Variants in CPSF6 observed in about 807,000 individuals in gnomAD.
CPSF6 encodes cleavage and polyadenylation specific factor 6, also known as cleavage and polyadenylation specificity factor subunit 6.
Under a neutral mutation model 56.7 loss-of-function variants are expected in CPSF6, and 10 were observed. The ratio of observed to expected loss-of-function variants is 0.18; its 90% CI spans 0.11 to 0.30. The LOEUF (loss-of-function observed/expected upper bound fraction) is 0.30. CPSF6 is among the 10% of genes least tolerant of loss of function. CPSF6 has a pLI of 1.00. For synonymous variants in CPSF6, 248 were observed against 244.8 expected, an observed-to-expected ratio of 1.01 and a Z score of -0.12; for missense variants, 419 against 722.9, an observed-to-expected ratio of 0.58 and a Z score of 4.82.
chr12:69,251,311 T>C lies in CPSF6; in HGVS notation c.243T>C (p.Ile81=). The change falls in exon 2 of 10, where the codon ATT becomes ATC. Residue 81 remains isoleucine, a synonymous_variant. Transcript: ENST00000435070. ...NVVYTYTGKR[I]ALYIGNLTWW... ...TCTATACATATACTGGAAAGAGAATTGCATTATATATTGGAAATCTAACAT... is the reference window on the plus strand; with the variant it reads ...TCTATACATATACTGGAAAGAGAATCGCATTATATATTGGAAATCTAACAT... The C allele has an allele frequency of 1.9e-6, 3 of 1,573,594 alleles. No homozygotes were observed. The highest frequency in any genetic ancestry group is 2.6e-6 in the Non-Finnish European group (3 of 1,145,190).
rs1873324484 is a variant in CPSF6, at chr12:69,273,034, T to G, written c.*3526T>G. 8 of 247,154 alleles carry G rather than the reference T, an allele frequency of 3.2e-5. No individual in the cohort carries two copies. The highest frequency in any genetic ancestry group is 2.5e-4 in the Admixed American group (5 of 20,128). 15.3% of individuals were successfully genotyped at this position (247,154 alleles called of 1,614,324 possible). A position where few individuals can be genotyped will look rare whatever the true frequency, so the allele number is the denominator to read the frequency against. On this transcript the variant is annotated 3_prime_UTR_variant, in exon 10 of 10. Transcript: ENST00000435070. ...ATTATAAATTTATTAAGATGTGGCCTTACATATGGCATTCCTTGTGTTCGT... is the reference window on the plus strand; with the variant it reads ...ATTATAAATTTATTAAGATGTGGCCGTACATATGGCATTCCTTGTGTTCGT...
Position 69,251,348 on chromosome 12 carries a change from G to C in CPSF6, c.270+10G>C, listed in dbSNP as rs769018336. 2.1e-6 allele frequency: 3 copies of C among 1,451,856 alleles called. No individual in the cohort carries two copies. The highest frequency in any genetic ancestry group is 1.9e-6 in the Non-Finnish European group (2 of 1,039,512). 89.9% of individuals were successfully genotyped at this position (1,451,856 alleles called of 1,614,324 possible). A position where few individuals can be genotyped will look rare whatever the true frequency, so the allele number is the denominator to read the frequency against. ...TGGAAATCTAACATGGGTAAGTGAA[G>C]TTAATATAAGAATTAAATTATTGGT... is the stretch of plus-strand genomic sequence containing the variant. On this transcript the variant is annotated intron_variant, in intron 2 of 9. Coordinates refer to ENST00000435070, the MANE Select transcript of CPSF6 (RefSeq NM_007007.3).
chr12:69,255,181 A>T (rs1054232831), intron 3 of CPSF6: 1 of 152,198 alleles, frequency 6.6e-6, no homozygotes, highest in Admixed American at 6.5e-5. Flanking sequence ...TAGCATAATG[A>T]TTTTAAGGTT....
chr12:69,257,954 C>T (rs1261280337), intron 5 of CPSF6, 49 bp downstream of exon 5: 2 of 1,587,166 alleles, frequency 1.3e-6, no homozygotes, highest in Non-Finnish European at 1.7e-6. Context: ...TACCTAATAC[C>T]TCTTTTCCTT....
At position 69,274,235 on chromosome 12, in the gene CPSF6, CCTTT is replaced by C. The variant is rs1873399257; in HGVS notation, c.*4732_*4735del. On this transcript the variant is annotated 3_prime_UTR_variant, in exon 10 of 10. Transcript: ENST00000435070. ...TGTGTTTAATGTTTACTTTGTCTTTCCTTTCTTTAGCATTTAGGTGACTGTTCGG... is the reference window on the plus strand; with the variant it reads ...TGTGTTTAATGTTTACTTTGTCTTTCCTTTAGCATTTAGGTGACTGTTCGG... 6.8e-6 allele frequency: 1 copy of C among 146,484 alleles called. No individual in the cohort carries two copies. Among genetic ancestry groups the C allele is most frequent in the African/African-American group, 2.5e-5 (1 of 39,584 alleles). The allele number at this position is 146,484 out of a possible 1,614,324, so 9.1% of individuals were successfully genotyped here. A position where few individuals can be genotyped will look rare whatever the true frequency, so the allele number is the denominator to read the frequency against.
chr12:69,266,964 T>C (rs1378552174), intron 9 of CPSF6, among the ~76,000 whole-genome samples: 1 of 152,090 alleles, frequency 6.6e-6, no homozygotes, highest in African/African-American at 2.4e-5. Flanking sequence ...TTATGTAATA[T>C]GTTCTAGTCA....
chr12:69,256,453 G>A (rs1872512640), intron 3 of CPSF6, among the ~76,000 whole-genome samples: 1 of 152,120 alleles, frequency 6.6e-6, no homozygotes, highest in African/African-American at 2.4e-5. Flanking sequence ...TTTAGAGACA[G>A]GATCTCACTG....
At position 69,253,362 on chromosome 12, in the gene CPSF6, G is replaced by C. The variant is rs75435079; in HGVS notation, c.374+208G>C. ...TACCTAACACACTAAAACCAGTAGAGTGGAAATGTGGACAGATTTATTTTC... is the reference window on the plus strand; with the variant it reads ...TACCTAACACACTAAAACCAGTAGACTGGAAATGTGGACAGATTTATTTTC... On this transcript the variant is annotated intron_variant, in intron 3 of 9. Transcript: ENST00000435070. Among the ~76,000 whole-genome samples, 189 of 152,254 alleles carry C rather than the reference G, an allele frequency of 1.2e-3. 2 individuals are homozygous for C. The East Asian group carries it at 0.03, about 24-fold the overall frequency.
At chr12:69,259,974 T>C (rs557207826) in intron 7 of CPSF6, 70 bp from the exon 8 acceptor site, 29 of 1,532,038 alleles carry the variant, frequency 1.9e-5, no homozygotes, top group Middle Eastern at 3.5e-4. Context: ...ATCACTCTTA[T>C]CCCAAGTGGT....
At position 69,258,465 on chromosome 12, in the gene CPSF6, G is replaced by A. The variant is rs112907231; in HGVS notation, c.695-125G>A. The A allele has an allele frequency of 2.1e-6, 2 of 975,478 alleles. No individual in the cohort carries two copies. Among genetic ancestry groups the A allele is most frequent in the Non-Finnish European group, 1.5e-6 (1 of 682,076 alleles). 60.4% of individuals were successfully genotyped at this position (975,478 alleles called of 1,614,324 possible). A position where few individuals can be genotyped will look rare whatever the true frequency, so the allele number is the denominator to read the frequency against. ...TGGTAGTGTAACATTTACCATACGG[G>A]TTTAATTTAAAGACAAAGACTTGGT... On this transcript the variant is annotated intron_variant, in intron 5 of 9. Coordinates refer to ENST00000435070, the MANE Select transcript of CPSF6 (RefSeq NM_007007.3). This position sits in a 1 kb window ranked among gnomAD's most constrained non-coding sequence, Gnocchi z 4.2.
In CPSF6 at chr12:69,259,107, G is replaced by C. The variant is rs748828989; in HGVS notation, c.1199+13G>C. The C allele has an allele frequency of 6.3e-7, 1 of 1,589,748 alleles. No homozygotes were observed. The highest frequency in any genetic ancestry group is 8.5e-7 in the Non-Finnish European group (1 of 1,173,822). On this transcript the variant is annotated intron_variant, in intron 6 of 9. Transcript: ENST00000435070. ...GCCCCCCTGGAAGGTAAGTTAGTGTGTATCTGTGAAAGTACTTGATGATAA... is the reference window on the plus strand; with the variant it reads ...GCCCCCCTGGAAGGTAAGTTAGTGTCTATCTGTGAAAGTACTTGATGATAA...
rs1872600880 is a variant in CPSF6 at position 69,258,493 on chromosome 12, A to G, written c.695-97A>G. ...TAATTTAAAGACAAAGACTTGGTGT[A>G]TGCTCTATGCGTTTAAAGTATAATC... On this transcript the variant is annotated intron_variant, in intron 5 of 9. Coordinates refer to ENST00000435070, the MANE Select transcript of CPSF6 (RefSeq NM_007007.3). This position sits in a 1 kb window ranked among gnomAD's most constrained non-coding sequence, Gnocchi z 4.2. The G allele has an allele frequency of 8.1e-7, 1 of 1,239,880 alleles. No homozygotes were observed. The highest frequency in any genetic ancestry group is 1.1e-6 in the Non-Finnish European group (1 of 907,812). 76.8% of individuals were successfully genotyped at this position (1,239,880 alleles called of 1,614,324 possible).
At chr12:69,246,787 C>A (rs1279121057) in intron 1 of CPSF6, among the ~76,000 whole-genome samples, 1 of 152,090 alleles carries the variant, frequency 6.6e-6, no homozygotes, top group Non-Finnish European at 1.5e-5. Context: ...CTTTGCTGTG[C>A]ATTTACTGAT....
chr12:69,267,146 A>G (rs1873029323), intron 9 of CPSF6, among the ~76,000 whole-genome samples: 1 of 152,018 alleles, frequency 6.6e-6, no homozygotes, highest in African/African-American at 2.4e-5. Flanking sequence ...CTTTTAATTC[A>G]GTATATTAAT....
At chr12:69,250,268 A>G (rs886786936) in intron 1 of CPSF6, among the ~76,000 whole-genome samples, 1 of 152,068 alleles carries the variant, frequency 6.6e-6, no homozygotes, top group African/African-American at 2.4e-5. Flanking sequence ...TAAAGATATA[A>G]TGGCTTTGGA....
At chr12:69,264,492 C>A (rs1872884415) in intron 9 of CPSF6, among the ~76,000 whole-genome samples, 1 of 152,072 alleles carries the variant, frequency 6.6e-6, no homozygotes, top group African/African-American at 2.4e-5. Context: ...CTAAATATAT[C>A]ATGACTTGAG....
At chr12:69,245,860 C>T (rs1592792705) in intron 1 of CPSF6, among the ~76,000 whole-genome samples, 2 of 152,090 alleles carry the variant, frequency 1.3e-5, no homozygotes, top group African/African-American at 4.8e-5. Context: ...CTGAAGTAGG[C>T]GGATCACTTG....
In CPSF6 at chr12:69,251,314, A is replaced by G. The variant is rs780654477; in HGVS notation, c.246A>G (p.Ala82=). The stretch of plus-strand genomic sequence containing the variant: ...ATACATATACTGGAAAGAGAATTGC[A>G]TTATATATTGGAAATCTAACATGGG... ...VVYTYTGKRI[A]LYIGNLTWWT... Residue 82 remains alanine (A), a synonymous_variant, in exon 2 of 10, where the codon GCA becomes GCG. Transcript: ENST00000435070. 3 of 1,573,818 alleles carry G rather than the reference A, an allele frequency of 1.9e-6. No homozygotes were observed. Among genetic ancestry groups the G allele is most frequent in the South Asian group, 2.2e-5 (2 of 89,902 alleles).
At position 69,274,021 on chromosome 12, in the gene CPSF6, A is replaced by T. The variant is rs1873383519; in HGVS notation, c.*4513A>T. The T allele has an allele frequency of 6.6e-6, 1 of 151,782 alleles. No individual in the cohort carries two copies. Among genetic ancestry groups the T allele is most frequent in the Admixed American group, 6.6e-5 (1 of 15,222 alleles). The allele number at this position is 151,782 out of a possible 1,614,324, so 9.4% of individuals were successfully genotyped here. ...TTGTTTAATATCAGAAGGCCAAAGA[A>T]AGTCTTAAAATTTTAGCTATTGACT... is the stretch of plus-strand genomic sequence containing the variant. On this transcript the variant is annotated 3_prime_UTR_variant, in exon 10 of 10. Coordinates refer to ENST00000435070, the MANE Select transcript of CPSF6 (RefSeq NM_007007.3).
Sources: gnomAD v4.1 joint callset for allele counts (sites outside exome capture counted in the v4.1 genomes callset) on GRCh38, gnomAD v4.1.1 for gene constraint, Gnocchi (gnomAD v3.1) non-coding constraint, MANE v1.5 for transcripts, NCBI Gene and HGNC (gene_info 2026-07-23, HGNC 2026-07-21) for gene names.